CC2D2A: variants seen among roughly 807,000 people sequenced by gnomAD.
CC2D2A encodes the protein coiled-coil and C2 domain containing 2A.
In CC2D2A, 155 loss-of-function variants were observed where a neutral mutation model predicts 212.9. That is an observed-to-expected ratio of 0.73 (90% CI 0.64 to 0.83). The LOEUF (loss-of-function observed/expected upper bound fraction) is 0.83. CC2D2A is among the 40% of genes least tolerant of loss of function. The pLI is 0.00. For missense variants in CC2D2A, 1,856 were observed against 1,956.2 expected (o/e 0.95, Z 0.97); for synonymous variants, 667 against 686.5 (o/e 0.97, Z 0.44).
intron 21 of CC2D2A, among the ~76,000 whole-genome samples, chr4:15,558,604 GTC>G (rs1719410372): frequency 6.6e-6 from 1 of 151,848 alleles, no homozygotes; most frequent in Non-Finnish European, 1.5e-5. Context: ...GCAGAGGTGT[GTC>G]CCCCGAGCCT....
intron 17 of CC2D2A, among the ~76,000 whole-genome samples, chr4:15,542,917 C>T (rs529628768): frequency 2.2e-4 from 34 of 152,256 alleles, no homozygotes; most frequent in African/African-American, 7.5e-4. Flanking sequence ...CTGTAGAGGA[C>T]GTTCGTGACA....
intron 4 of CC2D2A, among the ~76,000 whole-genome samples, chr4:15,492,215 G>T (rs1032718846): frequency 2.0e-5 from 3 of 152,016 alleles, no homozygotes; most frequent in African/African-American, 7.3e-5. Context: ...CTTTCTGTCT[G>T]CCCACATCCT....
chr4:15,532,533 G>C (rs1717901137), intron 13 of CC2D2A, among the ~76,000 whole-genome samples: 1 of 152,176 alleles, frequency 6.6e-6, no homozygotes. Context: ...GATATCTTCT[G>C]TCTCTTAGAC....
chr4:15,500,129 A>ATATG lies in CC2D2A; in HGVS notation c.248-2296_248-2293dup, dbSNP rs1553823494. Reference sequence around the variant, plus strand: ...TGTGTATATATATATATATATATATATATGTATTTTTTAAATATGGAAAAC... The same window carrying ATATG: ...TGTGTATATATATATATATATATATATATGTATGTATTTTTTAAATATGGAAAAC... On this transcript the variant is annotated intron_variant, in intron 4 of 36. Transcript: ENST00000424120. Among the ~76,000 whole-genome samples the ATATG allele has an allele frequency of 7.5e-4, 106 of 141,286 alleles. 1 individual carries two copies. Among genetic ancestry groups the ATATG allele is most frequent in the African/African-American group, 2.7e-3 (97 of 36,398 alleles). 92.7% of individuals were successfully genotyped at this position (141,286 alleles called of 152,430 possible).
intron 2 of CC2D2A, among the ~76,000 whole-genome samples, chr4:15,476,852 A>G (rs1338284652): frequency 6.6e-6 from 1 of 152,226 alleles, no homozygotes; most frequent in Non-Finnish European, 1.5e-5. Context: ...AGACCATCCA[A>G]CAAAAGAGAG....
intron 23 of CC2D2A, among the ~76,000 whole-genome samples, chr4:15,561,984 A>G (rs181839088): frequency 1.3e-5 from 2 of 152,328 alleles, no homozygotes; most frequent in African/African-American, 4.8e-5. Flanking sequence ...CAGGGTAAAT[A>G]TTATATGCGT....
intron 24 of CC2D2A, among the ~76,000 whole-genome samples, chr4:15,567,073 AG>A (rs1190934559): frequency 6.6e-6 from 1 of 152,162 alleles, no homozygotes; most frequent in African/African-American, 2.4e-5. Context: ...ACTTGAGCTC[AG>A]AAGTTTGAGA....
intron 3 of CC2D2A, chr4:15,479,306 C>A: frequency 6.5e-7 from 1 of 1,537,072 alleles, no homozygotes; most frequent in Non-Finnish European, 8.7e-7. Flanking sequence ...GGGAGCATCC[C>A]GTGCAGGGTA....
chr4:15,508,045 C>G (rs1716358432), intron 6 of CC2D2A, among the ~76,000 whole-genome samples: 1 of 152,156 alleles, frequency 6.6e-6, no homozygotes, highest in African/African-American at 2.4e-5. Flanking sequence ...CTTGAGGCTT[C>G]TTCTTCAGTT....
At chr4:15,487,911 G>T (rs1010711777) in intron 4 of CC2D2A, among the ~76,000 whole-genome samples, 8 of 151,204 alleles carry the variant, frequency 5.3e-5, no homozygotes, top group African/African-American at 1.7e-4. Flanking sequence ...ACAATGAAAA[G>T]AAAATAAAAA....
At chr4:15,524,610 T>C (rs953434159) in intron 11 of CC2D2A, among the ~76,000 whole-genome samples, 22 of 151,690 alleles carry the variant, frequency 1.5e-4, no homozygotes, top group East Asian at 1.4e-3. Flanking sequence ...GCCACCACGC[T>C]CGGCTAATTT....
chr4:15,475,845 A>G lies in CC2D2A; in HGVS notation c.-18-70A>G. On this transcript the variant is annotated intron_variant, in intron 1 of 36. Coordinates refer to ENST00000424120, the MANE Select transcript of CC2D2A (RefSeq NM_001378615.1). ...CTTACCATCATGGCCAGCCTCTTAC[A>G]TATCCATAGTAAGAGAAGCAATATT... 6.6e-6 allele frequency: 8 copies of G among 1,213,586 alleles called. No individual in the cohort carries two copies. The South Asian group carries it at 9.1e-5, about 14-fold the overall frequency. 75.2% of individuals were successfully genotyped at this position (1,213,586 alleles called of 1,614,324 possible). A position where few individuals can be genotyped will look rare whatever the true frequency, so the allele number is the denominator to read the frequency against.
At chr4:15,547,529 G>T (rs1418218651) in intron 17 of CC2D2A, among the ~76,000 whole-genome samples, 1 of 151,808 alleles carries the variant, frequency 6.6e-6, no homozygotes, top group Non-Finnish European at 1.5e-5. Context: ...CAGCTTTTTA[G>T]GCTCCCACAT....
chr4:15,589,548 C>G lies in CC2D2A; in HGVS notation c.4183C>G (p.Pro1395Ala). The change falls in exon 33 of 37, where the codon CCA becomes GCA. Residue 1395 changes from proline to alanine, a missense_variant. Pro to Ala is a conservative substitution (Grantham distance 27, BLOSUM62 -1). Transcript: ENST00000424120. Reference protein sequence around the residue: ...LLMGNAIPEGPTAYVLTWEQG... With the variant: ...LLMGNAIPEGATAYVLTWEQG... ...TTTAATGGCCATCTTCTTTCAGGGT[C>G]CAACTGCCTATGTGCTAACTTGGGA... The G allele has an allele frequency of 6.2e-7, 1 of 1,611,380 alleles. No individual in the cohort carries two copies. Among genetic ancestry groups the G allele is most frequent in the Non-Finnish European group, 8.5e-7 (1 of 1,178,364 alleles).
At chr4:15,478,989 A>G (rs545271288) in intron 3 of CC2D2A, among the ~76,000 whole-genome samples, 183 bp downstream of exon 3, 10 of 152,276 alleles carry the variant, frequency 6.6e-5, no homozygotes, top group Admixed American at 5.2e-4. Context: ...AGCCTGATTC[A>G]GAGACTTATA....
At chr4:15,515,833 C>T (rs1716835509) in intron 9 of CC2D2A, 35 bp from the exon 10 acceptor site, 1 of 1,536,404 alleles carries the variant, frequency 6.5e-7, no homozygotes, top group East Asian at 2.5e-5. Context: ...TAGATTGGCC[C>T]TAATGTTTAT....
At position 15,567,997 on chromosome 4, in the gene CC2D2A, A is replaced by C. The variant is rs566627308; in HGVS notation, c.3398+211A>C. Among the ~76,000 whole-genome samples the C allele has an allele frequency of 2.6e-5, 4 of 152,200 alleles. No individual in the cohort carries two copies. The South Asian group carries it at 8.3e-4, about 32-fold the overall frequency. On this transcript the variant is annotated intron_variant, in intron 26 of 36. Coordinates refer to ENST00000424120, the MANE Select transcript of CC2D2A (RefSeq NM_001378615.1). The stretch of plus-strand genomic sequence containing the variant: ...AATGGAAAAATGTCCAACTTTTAAA[A>C]CCCCAGATTCATTGTTGGGACATCC...
At chr4:15,499,439 T>C (rs1715798954) in intron 4 of CC2D2A, among the ~76,000 whole-genome samples, 1 of 152,122 alleles carries the variant, frequency 6.6e-6, no homozygotes, top group Non-Finnish European at 1.5e-5. Flanking sequence ...TTAAAGTCTA[T>C]TAAAAGTGAT....
rs747163468 is a variant in CC2D2A, at chr4:15,599,664, T to C, written c.4632T>C (p.Asp1544=). Residue 1544 remains aspartate, a synonymous_variant, in exon 36 of 37, where the codon GAT becomes GAC. Transcript: ENST00000424120. ...AAAGTCAAGGAGAAGATGTAGAAGA[T>C]GACCACAGAGCAGAACTGCTAAAAC... ...LEKSQGEDVE[D]DHRAELLKQL... 1.2e-6 allele frequency: 2 copies of C among 1,613,664 alleles called. No individual in the cohort carries two copies. The highest frequency in any genetic ancestry group is 1.1e-5 in the South Asian group (1 of 91,074).
Sources: gnomAD v4.1 joint callset for allele counts (sites outside exome capture counted in the v4.1 genomes callset) on GRCh38, gnomAD v4.1.1 for gene constraint, MANE v1.5 for transcripts, NCBI Gene and HGNC (gene_info 2026-07-23, HGNC 2026-07-21) for gene names.